Variants in NBAS observed in about 807,000 individuals in gnomAD.
The protein encoded by NBAS is NBAS subunit of NRZ tethering complex.
In NBAS, 219 loss-of-function variants were observed where a neutral mutation model predicts 302.5. The ratio of observed to expected loss-of-function variants is 0.72; its 90% CI spans 0.65 to 0.81. The LOEUF (loss-of-function observed/expected upper bound fraction) is 0.81. NBAS is among the 30% of genes least tolerant of loss of function. The pLI is 0.00. For synonymous variants in NBAS, 1,118 were observed against 1,021.6 expected, an observed-to-expected ratio of 1.09 and a Z score of -1.80; for missense variants, 2,932 against 2,841.6, an observed-to-expected ratio of 1.03 and a Z score of -0.72.
chr2:14,781,209 A>G, the NBAS span, among the ~76,000 whole-genome samples: 1 of 152,206 alleles, frequency 6.6e-6, no homozygotes, highest in African/African-American at 2.4e-5. Flanking sequence ...TGAGATTTCC[A>G]TCTCTCATTT....
the NBAS span, among the ~76,000 whole-genome samples, chr2:15,030,923 G>A: frequency 6.6e-6 from 1 of 152,136 alleles, no homozygotes; most frequent in Admixed American, 6.5e-5. Context: ...GAGATTGTGT[G>A]TGGCAAACTG....
At chr2:15,034,327 G>GGCA in the NBAS span, among the ~76,000 whole-genome samples, 2 of 150,516 alleles carry the variant, frequency 1.3e-5, no homozygotes, top group South Asian at 2.1e-4. Flanking sequence ...AAGGAAGGCA[G>GGCA]GCAGGCAGGC....
the NBAS span, among the ~76,000 whole-genome samples, chr2:15,154,710 A>G: frequency 6.6e-6 from 1 of 152,190 alleles, no homozygotes. Context: ...CCTAGTCATC[A>G]AGCTGACCCT....
In NBAS at chr2:15,287,094, T is replaced by C. The variant is rs2148090398; in HGVS notation, c.5117A>G (p.Glu1706Gly). The change falls in exon 42 of 52, where the codon GAG (glutamate) becomes GGG (glycine). Residue 1706 changes from glutamate (E) to glycine (G), a missense_variant. By Grantham distance (98) the Glu-to-Gly change is moderately conservative. Transcript: ENST00000281513. ...TTACCCACTGTCCGTGAAGAGGAAC[T>C]CCAAATGGGTCATAAAAACTTCCCA... ...SRWEVFMTHLEFLFTDSGLST... is the reference protein window; with the variant it reads ...SRWEVFMTHLGFLFTDSGLST... 1 of 1,613,162 alleles carries C rather than the reference T, an allele frequency of 6.2e-7. No homozygotes were observed. Among genetic ancestry groups the C allele is most frequent in the Non-Finnish European group, 8.5e-7 (1 of 1,179,136 alleles).
chr2:15,014,364 A>G, the NBAS span, among the ~76,000 whole-genome samples: 1 of 152,196 alleles, frequency 6.6e-6, no homozygotes, highest in African/African-American at 2.4e-5. Flanking sequence ...ATTCTCCAGA[A>G]TGAAACATAT....
rs528435751 is a variant in NBAS at position 15,190,154 on chromosome 2, G to A, written c.6572+110C>T. 67 of 1,234,792 alleles carry A rather than the reference G, an allele frequency of 5.4e-5. No individual in the cohort carries two copies. The African/African-American group carries it at 7.1e-4, about 13-fold the overall frequency. 76.5% of individuals were successfully genotyped at this position (1,234,792 alleles called of 1,614,324 possible). ...TCCTCTAAAGGCAAATACTGACTACGCACACACATATAATTATTCTTTCAT... is the reference window on the plus strand; with the variant it reads ...TCCTCTAAAGGCAAATACTGACTACACACACACATATAATTATTCTTTCAT... On this transcript the variant is annotated intron_variant, in intron 49 of 51. Coordinates refer to ENST00000281513, the MANE Select transcript of NBAS (RefSeq NM_015909.4).
At chr2:14,984,669 T>C in the NBAS span, among the ~76,000 whole-genome samples, 1 of 152,194 alleles carries the variant, frequency 6.6e-6, no homozygotes, top group Non-Finnish European at 1.5e-5. Flanking sequence ...CTTCCCTCCA[T>C]ATTCCCCATC....
At chr2:14,877,677 G>A in the NBAS span, among the ~76,000 whole-genome samples, 62 of 150,758 alleles carry the variant, frequency 4.1e-4, 2 homozygotes, top group South Asian at 0.012. Context: ...ATCATCCCAA[G>A]TTTCAGAGTC....
chr2:15,297,610 C>T (rs1670607448), intron 40 of NBAS, among the ~76,000 whole-genome samples: 1 of 152,204 alleles, frequency 6.6e-6, no homozygotes, highest in African/African-American at 2.4e-5. Flanking sequence ...GCCAAGTTTT[C>T]TGAGGCCTCC....
intron 22 of NBAS, among the ~76,000 whole-genome samples, chr2:15,427,502 T>G (rs1487476006): frequency 1.3e-5 from 2 of 152,204 alleles, no homozygotes; most frequent in Non-Finnish European, 2.9e-5. Flanking sequence ...TAAGCACCAT[T>G]TTTTAACATA....
intron 8 of NBAS, among the ~76,000 whole-genome samples, chr2:15,535,976 C>T (rs1221754699): frequency 6.6e-6 from 1 of 152,106 alleles, no homozygotes; most frequent in Non-Finnish European, 1.5e-5. Flanking sequence ...GGTAATGTTC[C>T]GTATCTTGAC....
chr2:15,452,437 A>ATAAAAAAC (rs56812338), intron 21 of NBAS, among the ~76,000 whole-genome samples: 26 of 151,590 alleles, frequency 1.7e-4, no homozygotes, highest in African/African-American at 6.3e-4. Flanking sequence ...CTACTAAAAA[A>ATAAAAAAC]ATTAGTCGGG....
At chr2:14,824,426 A>G in the NBAS span, among the ~76,000 whole-genome samples, 1 of 152,232 alleles carries the variant, frequency 6.6e-6, no homozygotes, top group East Asian at 1.9e-4. Context: ...ATACCAGCAC[A>G]TAACACTAGT....
chr2:15,037,132 G>A, the NBAS span, among the ~76,000 whole-genome samples: 6 of 152,104 alleles, frequency 3.9e-5, no homozygotes, highest in Admixed American at 2.6e-4. Context: ...GCAGAACTTC[G>A]TACTTTGTCT....
At chr2:15,347,168 A>T (rs776890587) in intron 35 of NBAS, among the ~76,000 whole-genome samples, 3 of 152,226 alleles carry the variant, frequency 2.0e-5, no homozygotes, top group Non-Finnish European at 4.4e-5. Flanking sequence ...CACATTAGCA[A>T]GGATGTAGAA....
intron 31 of NBAS, among the ~76,000 whole-genome samples, chr2:15,371,752 T>A (rs1674496317): frequency 6.6e-6 from 1 of 152,008 alleles, no homozygotes; most frequent in African/African-American, 2.4e-5. Context: ...CCTAAATTTA[T>A]GTTTATTAAA....
chr2:15,551,752 CAT>C (rs1226514615), intron 5 of NBAS, among the ~76,000 whole-genome samples: 1 of 152,136 alleles, frequency 6.6e-6, no homozygotes, highest in Non-Finnish European at 1.5e-5. Flanking sequence ...GTTATGGAGA[CAT>C]ATATATGGAA....
chr2:15,180,767 T>C (rs1234285901), intron 50 of NBAS, among the ~76,000 whole-genome samples: 1 of 152,098 alleles, frequency 6.6e-6, no homozygotes, highest in Non-Finnish European at 1.5e-5. Flanking sequence ...ACTTAAAGGG[T>C]TTAATAAGCC....
At chr2:15,380,708 A>G (rs1040347897) in intron 29 of NBAS, among the ~76,000 whole-genome samples, 1 of 152,190 alleles carries the variant, frequency 6.6e-6, no homozygotes, top group Non-Finnish European at 1.5e-5. Flanking sequence ...GTACATTAAC[A>G]ATGTTACATA....
Sources: allele counts gnomAD v4.1 joint callset (sites outside exome capture counted in the v4.1 genomes callset), GRCh38; gene constraint gnomAD v4.1.1; transcripts MANE v1.5; gene names NCBI Gene and HGNC (gene_info 2026-07-23, HGNC 2026-07-21).